OPCML: variants seen among roughly 807,000 people sequenced by gnomAD.
OPCML encodes the protein opioid binding protein/cell adhesion molecule like.
In OPCML, 13 loss-of-function variants were observed where a neutral mutation model predicts 37.8. The observed-to-expected ratio is 0.34, with a 90% CI of 0.22 to 0.55. The LOEUF (loss-of-function observed/expected upper bound fraction) is 0.55. OPCML is among the 20% of genes least tolerant of loss of function. The probability of loss-of-function intolerance (pLI) is 0.91; values close to 1 mark genes in which losing one functional copy is unlikely to be tolerated. For missense variants in OPCML, 341 were observed against 435.6 expected (o/e 0.78, Z 1.93); for synonymous variants, 176 against 168.8 (o/e 1.04, Z -0.33).
intron 4 of OPCML, among the ~76,000 whole-genome samples, chr11:132,476,682 G>A (rs941952707): frequency 1.3e-5 from 2 of 151,916 alleles, no homozygotes; most frequent in South Asian, 2.1e-4. Context: ...ACACACAGGG[G>A]ACTGTTTTGG....
intron 1 of OPCML, among the ~76,000 whole-genome samples, chr11:133,412,333 T>G (rs1394975038): frequency 1.3e-5 from 2 of 152,258 alleles, no homozygotes; most frequent in East Asian, 3.9e-4. Context: ...TACCCAGACC[T>G]CACCTTCTCC....
chr11:133,047,540 C>T (rs1017780709), intron 1 of OPCML, among the ~76,000 whole-genome samples: 1 of 152,160 alleles, frequency 6.6e-6, no homozygotes. Context: ...TTTAATAACA[C>T]CCAGCTGTGG....
intron 1 of OPCML, chr11:133,007,947 CACAG>C: frequency 2.0e-6 from 2 of 985,416 alleles, no homozygotes; most frequent in Non-Finnish European, 2.4e-6. Context: ...TTTATATATT[CACAG>C]ACATGCAGAG....
intron 4 of OPCML, among the ~76,000 whole-genome samples, chr11:132,507,602 T>G (rs978936824): frequency 1.3e-5 from 2 of 151,814 alleles, no homozygotes; most frequent in Non-Finnish European, 2.9e-5. Flanking sequence ...ACAAAAATTT[T>G]TTTTAAAATT....
intron 2 of OPCML, among the ~76,000 whole-genome samples, chr11:132,913,466 A>G (rs1209538327): frequency 6.6e-6 from 1 of 152,228 alleles, no homozygotes; most frequent in African/African-American, 2.4e-5. Flanking sequence ...CTAATATTCT[A>G]CCATCGAAAG....
intron 1 of OPCML, among the ~76,000 whole-genome samples, chr11:133,442,048 T>C (rs1044448739): frequency 6.6e-6 from 1 of 152,206 alleles, no homozygotes; most frequent in African/African-American, 2.4e-5. Flanking sequence ...AGGGTTCACT[T>C]GTGCTAATTT....
chr11:132,777,776 G>A (rs905347751), intron 2 of OPCML, among the ~76,000 whole-genome samples: 5 of 152,142 alleles, frequency 3.3e-5, no homozygotes, highest in Non-Finnish European at 7.3e-5. Context: ...AATTGGGAAC[G>A]ACGGAATCCT....
chr11:133,532,095 G>T, intron 1 of OPCML, 169 bp downstream of exon 1: 1 of 660,902 alleles, frequency 1.5e-6, no homozygotes, highest in Non-Finnish European at 1.9e-6. Context: ...GTGAGCGAGT[G>T]AGTGTGTGTG....
chr11:132,822,708 T>A (rs558428283), intron 2 of OPCML, among the ~76,000 whole-genome samples: 1 of 152,344 alleles, frequency 6.6e-6, no homozygotes, highest in South Asian at 2.1e-4. Flanking sequence ...GATATGCAGC[T>A]GAGATTTTTA....
intron 2 of OPCML, among the ~76,000 whole-genome samples, chr11:132,842,505 C>T (rs75405537): frequency 0.14 from 20,713 of 152,130 alleles, 1,765 homozygotes; most frequent in African/African-American, 0.22. Context: ...TGTTAACCTC[C>T]GGGTTAGGAA....
At chr11:132,465,216 A>G (rs1268822453) in intron 4 of OPCML, among the ~76,000 whole-genome samples, 1 of 152,176 alleles carries the variant, frequency 6.6e-6, no homozygotes, top group Admixed American at 6.5e-5. Context: ...ATTTGGTCAT[A>G]ATACAAGAAT....
At chr11:132,484,176 A>G (rs2137033828) in intron 4 of OPCML, among the ~76,000 whole-genome samples, 1 of 152,240 alleles carries the variant, frequency 6.6e-6, no homozygotes, top group African/African-American at 2.4e-5. Context: ...CATCTGACAA[A>G]GGGCTAATAT....
rs189173250 is a variant in OPCML at position 133,292,332 on chromosome 11, G to A, written c.61+239932C>T. 2.3e-4 allele frequency among the ~76,000 whole-genome samples: 35 copies of A among 152,116 alleles called. No homozygotes were observed. In the East Asian group the frequency reaches 2.5e-3, roughly 11 times the overall value. On this transcript the variant is annotated intron_variant, in intron 1 of 7. Transcript: ENST00000524381. ...TTGCTTTTTTCATAGTGGCTTTTCC[G>A]TTTCTTTCCAATACCCAGAAAATCT...
chr11:132,767,122 T>C (rs1946471028), intron 2 of OPCML, among the ~76,000 whole-genome samples: 1 of 152,030 alleles, frequency 6.6e-6, no homozygotes, highest in East Asian at 1.9e-4. Context: ...TTTCAGGGGG[T>C]TAGTGAGTGC....
chr11:133,175,419 A>G (rs1387416090), intron 1 of OPCML, among the ~76,000 whole-genome samples: 1 of 151,214 alleles, frequency 6.6e-6, no homozygotes, highest in African/African-American at 2.4e-5. Flanking sequence ...TATTCGTGTT[A>G]TTAAAGATGT....
intron 1 of OPCML, among the ~76,000 whole-genome samples, chr11:133,076,155 G>A (rs937055061): frequency 6.6e-6 from 1 of 151,918 alleles, no homozygotes; most frequent in African/African-American, 2.4e-5. Context: ...AGGGTGGTGG[G>A]ATATGTATTA....
intron 4 of OPCML, among the ~76,000 whole-genome samples, chr11:132,523,548 C>G (rs925798752): frequency 1.3e-5 from 2 of 150,272 alleles, no homozygotes; most frequent in Non-Finnish European, 3.0e-5. Context: ...TGCTAAAAGA[C>G]AGGTGCACTG....
At chr11:132,678,965 G>A (rs1942826419) in intron 2 of OPCML, among the ~76,000 whole-genome samples, 1 of 152,084 alleles carries the variant, frequency 6.6e-6, no homozygotes, top group South Asian at 2.1e-4. Flanking sequence ...GGAGGCTCTG[G>A]GGGAGAGCAG....
At chr11:133,046,585 C>T (rs141621968) in intron 1 of OPCML, among the ~76,000 whole-genome samples, 3 of 152,288 alleles carry the variant, frequency 2.0e-5, no homozygotes, top group Non-Finnish European at 4.4e-5. Flanking sequence ...CACAACACAA[C>T]GCCAGGCATT....
Sources: allele counts gnomAD v4.1 joint callset (sites outside exome capture counted in the v4.1 genomes callset), GRCh38; gene constraint gnomAD v4.1.1; transcripts MANE v1.5; gene names NCBI Gene and HGNC (gene_info 2026-07-23, HGNC 2026-07-21).